Variants in NTSR2 observed in about 807,000 individuals in gnomAD.
NTSR2 encodes the protein neurotensin receptor 2.
Under a neutral mutation model 24.1 loss-of-function variants are expected in NTSR2, and 22 were observed. The observed-to-expected ratio is 0.91, with a 90% CI of 0.65 to 1.30. The LOEUF is 1.30. Among genes scored for constraint, NTSR2 ranks in the 50% most tolerant of loss-of-function variants. The pLI is 0.00. For synonymous variants in NTSR2, 291 were observed against 267.0 expected, an observed-to-expected ratio of 1.09 and a Z score of -0.88; for missense variants, 570 against 570.4, an observed-to-expected ratio of 1.00 and a Z score of 0.01.
At position 11,670,045 on chromosome 2, in the gene NTSR2, G is replaced by T. The variant is rs1661301948; in HGVS notation, c.85C>A (p.Leu29Ile). ...GCGGTGAACAGCACCTTGGCCCAGA[G>T]GCGAGTGTCCACGCCCAGCCGGGCG... ...LDARLGVDTR[L>I]WAKVLFTALY... Residue 29 changes from leucine to isoleucine, a missense_variant, in exon 1 of 4, where the codon CTC (leucine) becomes ATC (isoleucine). Transcript: ENST00000306928. 6.7e-7 allele frequency: 1 copy of T among 1,497,536 alleles called. No individual in the cohort carries two copies. The highest frequency in any genetic ancestry group is 8.8e-7 in the Non-Finnish European group (1 of 1,130,668). 92.8% of individuals were successfully genotyped at this position (1,497,536 alleles called of 1,614,324 possible).
chr2:11,669,463 C>CCGGGGGGGGGCGGG, intron 1 of NTSR2, 43 bp downstream of exon 1: 1 of 157,422 alleles, frequency 6.4e-6, no homozygotes, highest in Non-Finnish European at 1.3e-5. Flanking sequence ...CAGCACCGCC[C>CCGGGGGGGGGCGGG]CCCCACCCCC....
At chr2:11,669,459 C>CCGGCCGGGGGG in intron 1 of NTSR2, 47 bp downstream of exon 1, 2 of 337,894 alleles carry the variant, frequency 5.9e-6, no homozygotes, top group Non-Finnish European at 1.1e-5. Context: ...CTCCCAGCAC[C>CCGGCCGGGGGG]GCCCCCCCAC....
Position 11,658,547 on chromosome 2 carries a change from T to C in NTSR2, c.1165A>G (p.Lys389Glu). Residue 389 changes from lysine to glutamate, a missense_variant, in exon 4 of 4, where the codon AAG becomes GAG. Coordinates refer to ENST00000306928, the MANE Select transcript of NTSR2 (RefSeq NM_012344.4). ...EHHPMKRLPP[K>E]PQSPTLMDTA... ...TCCATTAGGGTGGGACTCTGGGGCT[T>C]CGGGGGTAACCGCTTCATGGGGTGG... is the stretch of plus-strand genomic sequence containing the variant. The C allele has an allele frequency of 6.2e-7, 1 of 1,614,198 alleles. No homozygotes were observed. The highest frequency in any genetic ancestry group is 8.5e-7 in the Non-Finnish European group (1 of 1,180,032).
chr2:11,669,462 C>CCCCA, intron 1 of NTSR2, 44 bp downstream of exon 1: 1 of 155,786 alleles, frequency 6.4e-6, no homozygotes. Flanking sequence ...CCAGCACCGC[C>CCCCA]CCCCCACCCC....
In NTSR2 at chr2:11,665,072, T is replaced by G. The variant is rs939605428; in HGVS notation, c.625-2832A>C. On this transcript the variant is annotated intron_variant, in intron 1 of 3. Transcript: ENST00000306928. ...TTGGCACTGTTTTTTTTTTTTTTTT[T>G]TTTTTTTTTTTCCAAGCTTGTCTCC... Among the ~76,000 whole-genome samples, 31 of 149,506 alleles carry G rather than the reference T, an allele frequency of 2.1e-4. No homozygotes were observed. The South Asian group carries it at 3.6e-3, about 17-fold the overall frequency.
In NTSR2 at chr2:11,658,669, T is replaced by C. The variant is rs893626372; in HGVS notation, c.1043A>G (p.Tyr348Cys). The change falls in exon 4 of 4, where the codon TAC becomes TGC. Residue 348 changes from tyrosine to cysteine, a missense_variant. Physicochemically the swap from Tyr to Cys is radical, Grantham distance 194 (BLOSUM62 -2). Transcript: ENST00000306928. The part of the protein sequence containing the change: ...YFYMVTNTLF[Y>C]VSSAVTPLLY... ...AAGAGGAGTCACAGCTGAGCTGACG[T>C]AGAAAAGTGTGTTGGTCACCATGTA... The C allele has an allele frequency of 2.5e-6, 4 of 1,614,006 alleles. No homozygotes were observed. Among genetic ancestry groups the C allele is most frequent in the Admixed American group, 1.7e-5 (1 of 59,992 alleles).
At chr2:11,669,460 G>GGGGGGGGGGGGGGCCCCCCCCCCCC in intron 1 of NTSR2, 46 bp downstream of exon 1, 30 of 254,718 alleles carry the variant, frequency 1.2e-4, no homozygotes, top group Non-Finnish European at 1.5e-4. Context: ...TCCCAGCACC[G>GGGGGGGGGGGGGGCCCCCCCCCCCC]CCCCCCCACC....
chr2:11,663,933 T>A (rs969145464), intron 1 of NTSR2, among the ~76,000 whole-genome samples: 1 of 152,200 alleles, frequency 6.6e-6, no homozygotes, highest in Non-Finnish European at 1.5e-5. Flanking sequence ...ATGATGGGAC[T>A]GCTGTTTTCC....
intron 1 of NTSR2, among the ~76,000 whole-genome samples, chr2:11,666,215 T>A (rs1661196162): frequency 6.6e-6 from 1 of 151,966 alleles, no homozygotes; most frequent in African/African-American, 2.4e-5. Context: ...CAGCTGGTCG[T>A]CTCCTTGCCA....
In NTSR2 at chr2:11,659,926, G is replaced by C. The variant is rs778263614; in HGVS notation, c.989+117C>G. The C allele has an allele frequency of 1.8e-5, 13 of 723,602 alleles. No homozygotes were observed. In the East Asian group the frequency reaches 3.4e-4, roughly 19 times the overall value. The allele number at this position is 723,602 out of a possible 1,614,324, so 44.8% of individuals were successfully genotyped here. On this transcript the variant is annotated intron_variant, in intron 3 of 3. Transcript: ENST00000306928. ...GACTGCACGGGACCAGGTGGAATGC[G>C]GTCCAGGATTCCAGAGGACCCAGCA...
At chr2:11,667,929 C>T (rs542295947) in intron 1 of NTSR2, among the ~76,000 whole-genome samples, 73 of 152,232 alleles carry the variant, frequency 4.8e-4, no homozygotes, top group Non-Finnish European at 8.7e-4. Flanking sequence ...GGGAGGAAGA[C>T]GTTGTTTAAA....
chr2:11,659,157 A>C (rs1435833091), intron 3 of NTSR2, among the ~76,000 whole-genome samples: 1 of 152,196 alleles, frequency 6.6e-6, no homozygotes, highest in Non-Finnish European at 1.5e-5. Context: ...CCAGCCAGGA[A>C]GCACAATGTA....
chr2:11,669,460 G>GGGGGCGGGGGGGGGCCCCCCCCCCCCCC, intron 1 of NTSR2, 46 bp downstream of exon 1: 1 of 254,726 alleles, frequency 3.9e-6, no homozygotes, highest in Non-Finnish European at 6.9e-6. Context: ...TCCCAGCACC[G>GGGGGCGGGGGGGGGCCCCCCCCCCCCCC]CCCCCCCACC....
At chr2:11,663,522 T>G (rs1462440013) in intron 1 of NTSR2, among the ~76,000 whole-genome samples, 1 of 151,876 alleles carries the variant, frequency 6.6e-6, no homozygotes, top group Non-Finnish European at 1.5e-5. Context: ...CTTAAAAAAC[T>G]ATGCAAATGA....
intron 1 of NTSR2, 112 bp from the exon 2 acceptor site, chr2:11,662,352 T>C: frequency 9.4e-7 from 1 of 1,063,744 alleles, no homozygotes; most frequent in Non-Finnish European, 1.3e-6. Flanking sequence ...GGCAGAAGGG[T>C]TAGAAGATAA....
At chr2:11,665,215 C>T (rs1193092003) in intron 1 of NTSR2, among the ~76,000 whole-genome samples, 7 of 152,186 alleles carry the variant, frequency 4.6e-5, no homozygotes, top group Non-Finnish European at 7.3e-5. Flanking sequence ...CGGCGGAGAA[C>T]TGCGCAGCCA....
Position 11,658,266 on chromosome 2 carries a change from C to T in NTSR2, c.*213G>A. The T allele has an allele frequency of 1.9e-6, 1 of 528,132 alleles. No homozygotes were observed. Among genetic ancestry groups the T allele is most frequent in the Non-Finnish European group, 3.3e-6 (1 of 306,238 alleles). The allele number at this position is 528,132 out of a possible 1,614,324, so 32.7% of individuals were successfully genotyped here. ...CTCAGGCAACACTAAGAGATGGGTG[C>T]TGTTCTTTATCTCCACTACACAGAC... On this transcript the variant is annotated 3_prime_UTR_variant, in exon 4 of 4. Transcript: ENST00000306928.
intron 1 of NTSR2, among the ~76,000 whole-genome samples, chr2:11,668,759 C>A (rs79333363): frequency 0.054 from 8,286 of 152,250 alleles, 273 homozygotes; most frequent in Non-Finnish European, 0.079. Context: ...ACAGACACTT[C>A]GAAAGGTGAG....
Position 11,669,659 on chromosome 2 carries a change from C to T in NTSR2, c.471G>A (p.Ala157=). 1 of 1,547,166 alleles carries T rather than the reference C, an allele frequency of 6.5e-7. No homozygotes were observed. ...GGCCGAGCGAGGCGGCCCACGAGAG[C>T]GCCACCAGCCACCGGGTCCGGCGTG... The part of the protein sequence containing the change: ...LTPRRTRWLV[A]LSWAASLGLA... Residue 157 remains alanine, a synonymous_variant, in exon 1 of 4, where the codon GCG becomes GCA. Coordinates refer to ENST00000306928, the MANE Select transcript of NTSR2 (RefSeq NM_012344.4).
Sources: gnomAD v4.1 joint callset for allele counts (sites outside exome capture counted in the v4.1 genomes callset) on GRCh38, gnomAD v4.1.1 for gene constraint, MANE v1.5 for transcripts, NCBI Gene and HGNC (gene_info 2026-07-23, HGNC 2026-07-21) for gene names.